The following TNNC2 variants were observed in gnomAD, a reference collection of about 807,000 sequenced individuals.
The protein encoded by TNNC2 is troponin C, skeletal muscle.
In TNNC2, 14 loss-of-function variants were observed where a neutral mutation model predicts 20.0. The ratio of observed to expected loss-of-function variants is 0.70; its 90% CI spans 0.46 to 1.09. The LOEUF (loss-of-function observed/expected upper bound fraction) is 1.09. TNNC2 is among the 50% of genes least tolerant of loss of function. The probability of loss-of-function intolerance (pLI) is 0.00; values close to 1 mark genes in which losing one functional copy is unlikely to be tolerated. For missense variants in TNNC2, 163 were observed against 223.8 expected (o/e 0.73, Z 1.73); for synonymous variants, 81 against 77.3 (o/e 1.05, Z -0.25).
intron 4 of TNNC2, 70 bp downstream of exon 4, chr20:45,824,222 A>G: frequency 6.2e-7 from 1 of 1,600,546 alleles, no homozygotes; most frequent in Non-Finnish European, 8.5e-7. Context: ...CAACACGGGG[A>G]AGCTTCCAGC....
At chr20:45,825,272 C>T (rs1383310118) in intron 1 of TNNC2, among the ~76,000 whole-genome samples, 1 of 152,052 alleles carries the variant, frequency 6.6e-6, no homozygotes, top group Non-Finnish European at 1.5e-5. Flanking sequence ...CCACTGTGCC[C>T]AGCTTCTGAC....
At chr20:45,831,647 A>C (rs568051741), upstream of TNNC2, among the ~76,000 whole-genome samples, 13 of 151,640 alleles carry the variant, frequency 8.6e-5, no homozygotes, top group Admixed American at 1.3e-4. Context: ...AAGGAAGAAG[A>C]AGCAGGAGGA....
At chr20:45,830,060 C>A (rs912471747), upstream of TNNC2, among the ~76,000 whole-genome samples, 2 of 151,694 alleles carry the variant, frequency 1.3e-5, no homozygotes, top group Non-Finnish European at 2.9e-5. Context: ...CTAGGCTGGG[C>A]ACGGTGGCTC....
chr20:45,825,605 T>G (rs967761634), intron 1 of TNNC2, among the ~76,000 whole-genome samples: 5 of 151,386 alleles, frequency 3.3e-5, no homozygotes, highest in South Asian at 2.1e-4. Flanking sequence ...CCCCAGTTTT[T>G]TTTGTTTGTT....
At position 45,823,434 on chromosome 20, in the gene TNNC2, G is replaced by A; in HGVS notation, c.452-55C>T. ...GGTCCCACTGGGGACGCAGAGGCCA[G>A]GCCAGGGCTCCAGCCACACAGAGGG... On this transcript the variant is annotated intron_variant, in intron 5 of 5. Transcript: ENST00000372555. The surrounding 1 kb of genome is among the most constrained non-coding windows in gnomAD (Gnocchi z 4.6). 6.5e-7 allele frequency: 1 copy of A among 1,535,816 alleles called. No individual in the cohort carries two copies. Among genetic ancestry groups the A allele is most frequent in the Non-Finnish European group, 8.8e-7 (1 of 1,130,786 alleles).
At position 45,832,653 on chromosome 20, in the gene TNNC2, G is replaced by A. The variant is rs549552407; in HGVS notation, c.-43+598C>T. On this transcript the variant is annotated intron_variant, in intron 2 of 6. Coordinates refer to the TNNC2 transcript ENST00000372557. ...CTCCTGTGCCACTCAGAAAGGGTAG[G>A]AGCTACTTTGGAGAGATTTTGATTT... Among the ~76,000 whole-genome samples the A allele has an allele frequency of 2.6e-5, 4 of 152,314 alleles. No homozygotes were observed. In the South Asian group the frequency reaches 8.3e-4, roughly 32 times the overall value.
rs1279474158 is a variant in TNNC2 at position 45,824,007 on chromosome 20, G to A, written c.435C>T (p.Gly145=). ...LMKDGDKNND[G]RIDFDEFLKM... ...GGCCCTCACCGTCGAAGTCAATGCG[G>A]CCGTCGTTGTTCTTGTCGCCGTCTT... The change falls in exon 5 of 6, where the codon GGC becomes GGT. Residue 145 remains glycine, a synonymous_variant. Coordinates refer to ENST00000372555, the MANE Select transcript of TNNC2 (RefSeq NM_003279.3). The A allele has an allele frequency of 6.2e-7, 1 of 1,614,120 alleles. No homozygotes were observed. Among genetic ancestry groups the A allele is most frequent in the African/African-American group, 1.3e-5 (1 of 75,038 alleles).
chr20:45,830,050 C>G (rs1983072047), upstream of TNNC2, among the ~76,000 whole-genome samples: 1 of 150,998 alleles, frequency 6.6e-6, no homozygotes, highest in South Asian at 2.1e-4. Flanking sequence ...AAATACTGCT[C>G]TAGGCTGGGC....
At chr20:45,829,052 C>T (rs150941736), upstream of TNNC2, among the ~76,000 whole-genome samples, 7,393 of 152,120 alleles carry the variant, frequency 0.049, 630 homozygotes, top group African/African-American at 0.17. Flanking sequence ...ACAATCTCGG[C>T]TCACTGCACC....
intron 4 of TNNC2, 46 bp from the exon 5 acceptor site, chr20:45,824,173 G>C (rs1982890580): frequency 5.0e-6 from 8 of 1,605,304 alleles, no homozygotes; most frequent in Non-Finnish European, 6.0e-6. Context: ...GGGGCGAGCT[G>C]CCCTGGCCAC....
upstream of TNNC2, among the ~76,000 whole-genome samples, chr20:45,831,962 T>A (rs749025935): frequency 1.6e-4 from 25 of 152,264 alleles, no homozygotes; most frequent in Non-Finnish European, 3.1e-4. Context: ...GAAGTATGCC[T>A]TTTTTGTCCC....
At chr20:45,824,957 A>T (rs1982930060) in intron 1 of TNNC2, 123 bp from the exon 2 acceptor site, 3 of 1,052,170 alleles carry the variant, frequency 2.9e-6, no homozygotes, top group Non-Finnish European at 4.3e-6. Flanking sequence ...GAACAACTTC[A>T]AACTTGTCAC....
At chr20:45,826,730 A>AG (rs1225144327) in intron 1 of TNNC2, among the ~76,000 whole-genome samples, 2 of 152,194 alleles carry the variant, frequency 1.3e-5, no homozygotes, top group Non-Finnish European at 2.9e-5. Context: ...CCTCTCTAGG[A>AG]GAGCGGAGTC....
chr20:45,826,332 C>T (rs932806662), intron 1 of TNNC2, among the ~76,000 whole-genome samples: 1 of 152,182 alleles, frequency 6.6e-6, no homozygotes, highest in East Asian at 1.9e-4. Context: ...CTGGCAGAGT[C>T]GGAGGCTGTC....
upstream of TNNC2, among the ~76,000 whole-genome samples, chr20:45,832,080 G>A (rs1983124964): frequency 6.6e-6 from 1 of 152,208 alleles, no homozygotes; most frequent in African/African-American, 2.4e-5. Flanking sequence ...GGGAGGTAGA[G>A]GCAGGTGGAT....
In TNNC2 at chr20:45,824,405, G is replaced by A. The variant is rs748011299; in HGVS notation, c.201C>T (p.Gly67=). ...ACTCCTCGAAGTCGATGGTGCCGCT[G>A]CCTGCGGGCAGCAGGTGGCAGACTG... ...DAIIEEVDED[G]SGTIDFEEFL... Residue 67 remains glycine (G), a splice_region_variant and synonymous_variant, in exon 4 of 6, where the codon GGC becomes GGT. Coordinates refer to ENST00000372555, the MANE Select transcript of TNNC2 (RefSeq NM_003279.3). The A allele has an allele frequency of 3.1e-6, 5 of 1,610,514 alleles. No individual in the cohort carries two copies. Among genetic ancestry groups the A allele is most frequent in the South Asian group, 1.1e-5 (1 of 91,088 alleles).
chr20:45,826,759 C>T (rs1461902545), intron 1 of TNNC2, among the ~76,000 whole-genome samples: 1 of 152,220 alleles, frequency 6.6e-6, no homozygotes, highest in Non-Finnish European at 1.5e-5. Flanking sequence ...TCTGGTCTGT[C>T]ATCTTCTGCC....
At chr20:45,827,000 C>T (rs551295985) in intron 1 of TNNC2, among the ~76,000 whole-genome samples, 1 of 152,336 alleles carries the variant, frequency 6.6e-6, no homozygotes, top group African/African-American at 2.4e-5. Flanking sequence ...CTATGAATGA[C>T]ACTGCTGGAA....
At chr20:45,827,113 C>T in intron 1 of TNNC2, 133 bp downstream of exon 1, 3 of 1,158,250 alleles carry the variant, frequency 2.6e-6, no homozygotes, top group Admixed American at 3.8e-5. Flanking sequence ...CTCCAAGACA[C>T]CTGGGTTCCA....
Sources: gnomAD v4.1 joint callset for allele counts (sites outside exome capture counted in the v4.1 genomes callset) on GRCh38, gnomAD v4.1.1 for gene constraint, Gnocchi (gnomAD v3.1) non-coding constraint, MANE v1.5 for transcripts, NCBI Gene and HGNC (gene_info 2026-07-23, HGNC 2026-07-21) for gene names.